PDE3A: variants seen among roughly 807,000 people sequenced by gnomAD.
PDE3A encodes phosphodiesterase 3A.
PDE3A carries 43 observed loss-of-function variants against 98.3 expected under a neutral mutation model. The ratio of observed to expected loss-of-function variants is 0.44; its 90% CI spans 0.34 to 0.56. The LOEUF (loss-of-function observed/expected upper bound fraction) is 0.56. Ranked by LOEUF, PDE3A falls within the 20% of genes least tolerant of loss-of-function variation. The pLI is 0.01. For synonymous variants in PDE3A, 663 were observed against 567.9 expected, an observed-to-expected ratio of 1.17 and a Z score of -2.38; for missense variants, 1,427 against 1,440.7, an observed-to-expected ratio of 0.99 and a Z score of 0.15.
Position 20,680,188 on chromosome 12 carries a change from C to A in PDE3A, c.3343C>A (p.Gln1115Lys). The change falls in exon 16 of 16, where the codon CAG becomes AAG. Residue 1115 changes from glutamine to lysine, a missense_variant. Around this residue, in one of 3 missense-constraint regions of PDE3A, gnomAD observed 142 missense variants for 133.9 expected, o/e 1.06. Transcript: ENST00000359062. ...DQTPQSHSSE[Q>K]IQAIKEEEEE... is the part of the protein sequence containing the mutation. ...GACCCCTCAGTCGCACTCTTCAGAA[C>A]AGATCCAGGCTATCAAGGAAGAAGA... 1 of 1,613,738 alleles carries A rather than the reference C, an allele frequency of 6.2e-7. No individual in the cohort carries two copies. Among genetic ancestry groups the A allele is most frequent in the Non-Finnish European group, 8.5e-7 (1 of 1,179,764 alleles).
chr12:20,481,764 A>ATATTTTTTTTTTT (rs1945629970), intron 1 of PDE3A, among the ~76,000 whole-genome samples: 1 of 79,584 alleles, frequency 1.3e-5, no homozygotes, highest in Non-Finnish European at 2.2e-5. Flanking sequence ...TGGGAAATAG[A>ATATTTTTTTTTTT]TTTTTTTTTT....
chr12:20,606,629 TG>T (rs1300236649), intron 2 of PDE3A, among the ~76,000 whole-genome samples: 1 of 151,796 alleles, frequency 6.6e-6, no homozygotes, highest in African/African-American at 2.4e-5. Flanking sequence ...GAGGCTCAGG[TG>T]GGCGGGTCAC....
intron 2 of PDE3A, among the ~76,000 whole-genome samples, chr12:20,581,916 G>A (rs2121346036): frequency 6.6e-6 from 1 of 151,390 alleles, no homozygotes; most frequent in East Asian, 2.0e-4. Flanking sequence ...TAGAGAAACT[G>A]TGGAACACCA....
intron 1 of PDE3A, among the ~76,000 whole-genome samples, chr12:20,511,402 T>C (rs1265797680): frequency 7.2e-6 from 1 of 138,594 alleles, no homozygotes; most frequent in African/African-American, 2.7e-5. Context: ...GCCCATAAAT[T>C]AGGAAGTGCT....
chr12:20,609,853 G>T (rs1943803474), intron 2 of PDE3A, among the ~76,000 whole-genome samples: 1 of 151,896 alleles, frequency 6.6e-6, no homozygotes, highest in Non-Finnish European at 1.5e-5. Flanking sequence ...ACATGCAAAA[G>T]AATGAAATCG....
chr12:20,662,787 A>G (rs1354582156), intron 15 of PDE3A, among the ~76,000 whole-genome samples: 1 of 152,208 alleles, frequency 6.6e-6, no homozygotes, highest in African/African-American at 2.4e-5. Context: ...GATGTGATAG[A>G]AAAGAAAAAC....
At chr12:20,380,963 T>C (rs949240250) in intron 1 of PDE3A, among the ~76,000 whole-genome samples, 5 of 151,886 alleles carry the variant, frequency 3.3e-5, no homozygotes, top group African/African-American at 1.2e-4. Flanking sequence ...GTGTGTATCA[T>C]CTTGAGTAGT....
chr12:20,611,053 T>C (rs765886919), intron 2 of PDE3A, among the ~76,000 whole-genome samples: 5 of 151,942 alleles, frequency 3.3e-5, no homozygotes, highest in Non-Finnish European at 5.9e-5. Context: ...GCTGCTCTTG[T>C]CACAAAAATA....
chr12:20,495,818 C>T (rs1352755495), intron 1 of PDE3A, among the ~76,000 whole-genome samples: 2 of 152,158 alleles, frequency 1.3e-5, no homozygotes, highest in Non-Finnish European at 1.5e-5. Context: ...CCAATTTACA[C>T]TCCCACTAGC....
At chr12:20,634,412 G>A (rs1294406278) in intron 7 of PDE3A, among the ~76,000 whole-genome samples, 2 of 152,150 alleles carry the variant, frequency 1.3e-5, no homozygotes, top group Non-Finnish European at 2.9e-5. Context: ...GGACAGATGA[G>A]GAAGGAAGCC....
At position 20,573,891 on chromosome 12, in the gene PDE3A, T is replaced by C. The variant is rs561476250; in HGVS notation, c.1011+17181T>C. 7.9e-5 allele frequency among the ~76,000 whole-genome samples: 12 copies of C among 152,144 alleles called. No homozygotes were observed. In the South Asian group the frequency reaches 1.0e-3, roughly 13 times the overall value. On this transcript the variant is annotated intron_variant, in intron 2 of 15. Coordinates refer to ENST00000359062, the MANE Select transcript of PDE3A (RefSeq NM_000921.5). Reference sequence around the variant, plus strand: ...GGTTTTCCAAACAGTCTTGTAAATGTGCAGGAAAACAAAAACATTTCAGAA... The same window carrying C: ...GGTTTTCCAAACAGTCTTGTAAATGCGCAGGAAAACAAAAACATTTCAGAA...
At chr12:20,554,546 T>A (rs537618768) in intron 1 of PDE3A, among the ~76,000 whole-genome samples, 1 of 151,780 alleles carries the variant, frequency 6.6e-6, no homozygotes, top group Admixed American at 6.6e-5. Flanking sequence ...AGGCTTTAAT[T>A]ATTTTTTACC....
intron 1 of PDE3A, among the ~76,000 whole-genome samples, chr12:20,478,248 C>A (rs1945563143): frequency 6.6e-6 from 1 of 151,970 alleles, no homozygotes; most frequent in South Asian, 2.1e-4. Flanking sequence ...AGGCAACATA[C>A]CAGATTGGAA....
At chr12:20,650,683 G>T in intron 14 of PDE3A, 83 bp downstream of exon 14, 1 of 752,580 alleles carries the variant, frequency 1.3e-6, no homozygotes, top group Non-Finnish European at 2.1e-6. Flanking sequence ...AGCTATGAAA[G>T]TATGATCACT....
intron 15 of PDE3A, among the ~76,000 whole-genome samples, chr12:20,675,400 G>A (rs1945610112): frequency 6.6e-6 from 1 of 152,142 alleles, no homozygotes; most frequent in African/African-American, 2.4e-5. Flanking sequence ...TCAACAAAAT[G>A]TTCTGTAAAT....
chr12:20,498,582 G>A (rs1298414885), intron 1 of PDE3A, among the ~76,000 whole-genome samples: 1 of 152,154 alleles, frequency 6.6e-6, no homozygotes, highest in Non-Finnish European at 1.5e-5. Context: ...AGGGACTTGA[G>A]CATCCCTGGA....
In PDE3A at chr12:20,369,341, G is replaced by T; in HGVS notation, c.57G>T (p.Val19=). Residue 19 remains valine, a synonymous_variant, in exon 1 of 16, where the codon GTG becomes GTT. Coordinates refer to ENST00000359062, the MANE Select transcript of PDE3A (RefSeq NM_000921.5). ...GGGACAAGCCCGTCCACAGTGGGGT[G>T]AGTCAAGCCCCCACGGCGGGCCGGG... is the stretch of plus-strand genomic sequence containing the variant. ...RVRDKPVHSG[V]SQAPTAGRDC... 1 of 1,548,420 alleles carries T rather than the reference G, an allele frequency of 6.5e-7. No homozygotes were observed. The highest frequency in any genetic ancestry group is 2.4e-5 in the East Asian group (1 of 40,826).
At chr12:20,567,912 A>AAGAC (rs1345427597) in intron 2 of PDE3A, among the ~76,000 whole-genome samples, 7 of 152,004 alleles carry the variant, frequency 4.6e-5, no homozygotes, top group African/African-American at 1.7e-4. Flanking sequence ...TTTATGGAAA[A>AAGAC]AGACAAGAGA....
intron 14 of PDE3A, 55 bp from the exon 15 acceptor site, chr12:20,653,892 T>C (rs1944979553): frequency 6.3e-7 from 1 of 1,583,536 alleles, no homozygotes; most frequent in African/African-American, 1.3e-5. Flanking sequence ...GTTTTACATA[T>C]TTACAAATTT....
Sources: allele counts gnomAD v4.1 joint callset (sites outside exome capture counted in the v4.1 genomes callset), GRCh38; gene constraint gnomAD v4.1.1; regional missense constraint gnomAD v4.1.1; transcripts MANE v1.5; gene names NCBI Gene and HGNC (gene_info 2026-07-23, HGNC 2026-07-21).